Variants in ZDHHC18 observed in about 807,000 individuals in gnomAD.
ZDHHC18 encodes palmitoyltransferase ZDHHC18.
In ZDHHC18, 23 loss-of-function variants were observed where a neutral mutation model predicts 37.5. The observed-to-expected ratio is 0.61, with a 90% CI of 0.44 to 0.87. The LOEUF is 0.87. Ranked by LOEUF, ZDHHC18 falls within the 40% of genes least tolerant of loss-of-function variation. ZDHHC18 has a pLI of 0.00. For synonymous variants in ZDHHC18, 185 were observed against 218.7 expected (o/e 0.85, Z 1.36); for missense variants, 406 against 525.6 (o/e 0.77, Z 2.22).
intron 2 of ZDHHC18, among the ~76,000 whole-genome samples, chr1:26,834,069 G>A (rs1196092801): frequency 6.6e-6 from 1 of 152,136 alleles, no homozygotes; most frequent in Non-Finnish European, 1.5e-5. Flanking sequence ...GGTCTGACCT[G>A]GGCTGGCCCA....
intron 2 of ZDHHC18, among the ~76,000 whole-genome samples, chr1:26,836,515 G>A (rs1352712700): frequency 2.6e-5 from 4 of 151,442 alleles, no homozygotes; most frequent in African/African-American, 9.7e-5. Context: ...TCCAGCCTTT[G>A]TGATTTTTCC....
At chr1:26,827,526 T>C (rs560971631) in intron 1 of ZDHHC18, among the ~76,000 whole-genome samples, 91 of 151,970 alleles carry the variant, frequency 6.0e-4, no homozygotes, top group African/African-American at 2.1e-3. Flanking sequence ...AGGCCCCTCC[T>C]GCTCACCCAT....
chr1:26,847,406 T>C (rs1170427281), intron 2 of ZDHHC18, among the ~76,000 whole-genome samples: 3 of 151,868 alleles, frequency 2.0e-5, no homozygotes, highest in Non-Finnish European at 4.4e-5. Flanking sequence ...AGAGATAGGG[T>C]CTTCCTATTT....
intron 2 of ZDHHC18, among the ~76,000 whole-genome samples, chr1:26,848,328 A>C (rs1281680802): frequency 1.3e-5 from 2 of 151,640 alleles, no homozygotes; most frequent in Non-Finnish European, 1.5e-5. Flanking sequence ...AAAAAAAAAA[A>C]CCCTCACTAA....
intron 1 of ZDHHC18, among the ~76,000 whole-genome samples, chr1:26,828,926 C>T (rs563044357): frequency 3.9e-5 from 6 of 152,246 alleles, no homozygotes; most frequent in African/African-American, 1.2e-4. Context: ...CGTGGTTGAC[C>T]CACATGACCC....
chr1:26,827,078 G>A lies in ZDHHC18; in HGVS notation c.274G>A (p.Gly92Ser). The A allele has an allele frequency of 1.4e-6, 2 of 1,389,392 alleles. No homozygotes were observed. The highest frequency in any genetic ancestry group is 3.1e-5 in the Admixed American group (1 of 32,382). 86.1% of individuals were successfully genotyped at this position (1,389,392 alleles called of 1,614,324 possible). Reference sequence around the variant, plus strand: ...CCGCCTCATGCTGGCCGGCCACGGCGGCGTCTTCGCGCTCACGCTGCTGCT... The same window carrying A: ...CCGCCTCATGCTGGCCGGCCACGGCAGCGTCTTCGCGCTCACGCTGCTGCT... ...GGRLMLAGHG[G>S]VFALTLLLIL... Residue 92 changes from glycine to serine, a missense_variant, in exon 1 of 8, where the codon GGC (glycine) becomes AGC (serine). By Grantham distance (56) the Gly-to-Ser change is moderately conservative (BLOSUM62 0). Coordinates refer to ENST00000374142, the MANE Select transcript of ZDHHC18 (RefSeq NM_032283.3).
intron 6 of ZDHHC18, 61 bp downstream of exon 6, chr1:26,851,292 G>C: frequency 6.5e-7 from 1 of 1,541,592 alleles, no homozygotes; most frequent in Non-Finnish European, 9.0e-7. Context: ...AGGCAGGGCT[G>C]AGGGAGCCTG....
intron 2 of ZDHHC18, among the ~76,000 whole-genome samples, chr1:26,838,109 G>T (rs1473003859): frequency 6.6e-6 from 1 of 151,266 alleles, no homozygotes; most frequent in African/African-American, 2.4e-5. Context: ...CGATTCTCCT[G>T]CCTCAGCCTC....
chr1:26,830,524 A>C (rs2081584010), intron 1 of ZDHHC18, among the ~76,000 whole-genome samples: 1 of 152,202 alleles, frequency 6.6e-6, no homozygotes, highest in African/African-American at 2.4e-5. Flanking sequence ...ATAGTACAGT[A>C]ACTATCTGTA....
At chr1:26,847,054 A>C (rs2081672408) in intron 2 of ZDHHC18, among the ~76,000 whole-genome samples, 1 of 148,740 alleles carries the variant, frequency 6.7e-6, no homozygotes, top group Non-Finnish European at 1.5e-5. Flanking sequence ...CGCCACCACA[A>C]CCGGTTAATT....
intron 2 of ZDHHC18, among the ~76,000 whole-genome samples, chr1:26,840,569 G>A (rs2081632857): frequency 6.6e-6 from 1 of 151,678 alleles, no homozygotes; most frequent in Admixed American, 6.6e-5. Context: ...AGCCTCCCGA[G>A]TAGCTGGGAT....
In ZDHHC18 at chr1:26,856,129, C is replaced by T; in HGVS notation, c.*2286C>T. Reference sequence around the variant, plus strand: ...TGGCTACCACCTCCAACCTGGGCACCAGGGCCCAGCCAGACAACTCATAAC... The same window carrying T: ...TGGCTACCACCTCCAACCTGGGCACTAGGGCCCAGCCAGACAACTCATAAC... On this transcript the variant is annotated 3_prime_UTR_variant, in exon 8 of 8. Transcript: ENST00000374142. The surrounding 1 kb of genome is among the most constrained non-coding windows in gnomAD (Gnocchi z 5.2). The T allele has an allele frequency of 2.3e-6, 1 of 430,240 alleles. No individual in the cohort carries two copies. The highest frequency in any genetic ancestry group is 1.6e-5 in the South Asian group (1 of 63,710). 26.7% of individuals were successfully genotyped at this position (430,240 alleles called of 1,614,324 possible).
intron 2 of ZDHHC18, among the ~76,000 whole-genome samples, chr1:26,833,197 A>G (rs1490213318): frequency 6.6e-6 from 1 of 152,246 alleles, no homozygotes; most frequent in Non-Finnish European, 1.5e-5. Flanking sequence ...GAAAGAGACA[A>G]TAAATAACAA....
At chr1:26,831,735 G>A (rs965674439) in intron 1 of ZDHHC18, among the ~76,000 whole-genome samples, 4 of 152,138 alleles carry the variant, frequency 2.6e-5, no homozygotes, top group African/African-American at 9.7e-5. Flanking sequence ...AGGGTCAGGG[G>A]GTCTGAAAGC....
intron 1 of ZDHHC18, among the ~76,000 whole-genome samples, chr1:26,827,576 A>T (rs560631771): frequency 1.5e-4 from 22 of 150,794 alleles, no homozygotes; most frequent in Non-Finnish European, 2.4e-4. Flanking sequence ...GTTCTTTCTG[A>T]CCCTTGTATC....
chr1:26,850,199 GTGAAC>G lies in ZDHHC18; in HGVS notation c.647-101_647-97del. 1 of 1,452,218 alleles carries G rather than the reference GTGAAC, an allele frequency of 6.9e-7. No individual in the cohort carries two copies. The highest frequency in any genetic ancestry group is 9.3e-7 in the Non-Finnish European group (1 of 1,072,808). The allele number at this position is 1,452,218 out of a possible 1,614,324, so 90.0% of individuals were successfully genotyped here. Reference sequence around the variant, plus strand: ...CTGGGAGCCAGCTGGTGCTGCGAGAGTGAACGGGGTAGGAAAGCCCCAGCCATGGG... The same window carrying G: ...CTGGGAGCCAGCTGGTGCTGCGAGAGGGGGTAGGAAAGCCCCAGCCATGGG... On this transcript the variant is annotated intron_variant, in intron 3 of 7. Coordinates refer to ENST00000374142, the MANE Select transcript of ZDHHC18 (RefSeq NM_032283.3). This position sits in a 1 kb window ranked among gnomAD's most constrained non-coding sequence, Gnocchi z 6.1.
chr1:26,836,397 A>G (rs780664633), intron 2 of ZDHHC18, among the ~76,000 whole-genome samples: 11 of 151,694 alleles, frequency 7.3e-5, no homozygotes, highest in Non-Finnish European at 1.6e-4. Flanking sequence ...AATTGTAGTT[A>G]TCTCTCCAAG....
chr1:26,852,681 G>C (rs1390848191), intron 6 of ZDHHC18, 72 bp from the exon 7 acceptor site: 1 of 1,344,920 alleles, frequency 7.4e-7, no homozygotes. Flanking sequence ...GTTGTCCCCA[G>C]CCTCTAGACC....
rs1298944166 is a variant in ZDHHC18 at position 26,855,117 on chromosome 1, C to T, written c.*1274C>T. The stretch of plus-strand genomic sequence containing the variant: ...CCTACCCACCAGCCCCCAGGTGAGG[C>T]TTCCAGCTGGGACCTGCCCAGACAG... On this transcript the variant is annotated 3_prime_UTR_variant, in exon 8 of 8. Coordinates refer to ENST00000374142, the MANE Select transcript of ZDHHC18 (RefSeq NM_032283.3). The T allele has an allele frequency of 6.6e-6, 1 of 152,318 alleles. No homozygotes were observed. The highest frequency in any genetic ancestry group is 1.5e-5 in the Non-Finnish European group (1 of 68,112). The allele number at this position is 152,318 out of a possible 1,614,324, so 9.4% of individuals were successfully genotyped here.
Sources: allele counts gnomAD v4.1 joint callset (sites outside exome capture counted in the v4.1 genomes callset), GRCh38; gene constraint gnomAD v4.1.1; non-coding constraint Gnocchi (gnomAD v3.1); transcripts MANE v1.5; gene names NCBI Gene and HGNC (gene_info 2026-07-23, HGNC 2026-07-21).